DGLUCY: variants seen among roughly 807,000 people sequenced by gnomAD.
The protein encoded by DGLUCY is D-glutamate cyclase.
Under a neutral mutation model 58.5 loss-of-function variants are expected in DGLUCY, and 58 were observed. That is an observed-to-expected ratio of 0.99 (90% CI 0.80 to 1.23). The LOEUF (loss-of-function observed/expected upper bound fraction) is 1.23, where lower values mean the gene tolerates loss of function less well. Ranked by LOEUF, DGLUCY falls within the 50% of genes most tolerant of loss-of-function variation. The pLI, the probability that DGLUCY is intolerant of heterozygous loss-of-function variation, is 0.00. For synonymous variants in DGLUCY, 325 were observed against 314.1 expected, an observed-to-expected ratio of 1.03 and a Z score of -0.37; for missense variants, 779 against 784.7, an observed-to-expected ratio of 0.99 and a Z score of 0.09.
chr14:91,074,093 C>CAAA (rs1183223393), intron 1 of DGLUCY, among the ~76,000 whole-genome samples: 3 of 99,738 alleles, frequency 3.0e-5, no homozygotes, highest in East Asian at 2.7e-4. Context: ...TCATCTCTAC[C>CAAA]AAAAAAAAAA....
chr14:91,178,900 A>G lies in DGLUCY; in HGVS notation c.731-2286A>G, dbSNP rs138860907. Among the ~76,000 whole-genome samples the G allele has an allele frequency of 4.8e-3, 738 of 152,190 alleles. 4 individuals are homozygous for G. The highest frequency in any genetic ancestry group is 0.016 in the African/African-American group (653 of 41,536). ...ACAAAAATTAGCCAGGCGTGATGGC[A>G]CACACCTATAATCCCAGCTACTTGG... On this transcript the variant is annotated intron_variant, in intron 7 of 13. Transcript: ENST00000256324.
At chr14:91,119,215 C>T (rs2045197107) in intron 1 of DGLUCY, among the ~76,000 whole-genome samples, 1 of 151,986 alleles carries the variant, frequency 6.6e-6, no homozygotes, top group Non-Finnish European at 1.5e-5. Context: ...CATCTTGTTG[C>T]TCCCTTTTCT....
At chr14:91,132,669 G>A (rs934353520) in intron 1 of DGLUCY, among the ~76,000 whole-genome samples, 1 of 151,498 alleles carries the variant, frequency 6.6e-6, no homozygotes, top group Admixed American at 6.6e-5. Flanking sequence ...GTAGAAATGG[G>A]GTTTTGCCAT....
chr14:91,169,096 A>T (rs1338157782), intron 4 of DGLUCY, among the ~76,000 whole-genome samples: 2 of 152,070 alleles, frequency 1.3e-5, no homozygotes, highest in Admixed American at 6.6e-5. Flanking sequence ...CAAAAAAAAA[A>T]TAAATAAATA....
At chr14:91,187,370 T>C (rs377440428) in intron 8 of DGLUCY, among the ~76,000 whole-genome samples, 1 of 152,210 alleles carries the variant, frequency 6.6e-6, no homozygotes. Context: ...TTCAGTCCAC[T>C]GCTGATTTCA....
intron 1 of DGLUCY, among the ~76,000 whole-genome samples, chr14:91,115,642 T>C (rs1439710649): frequency 2.0e-5 from 3 of 152,144 alleles, no homozygotes; most frequent in Middle Eastern, 3.2e-3. Context: ...CAGGCTGAGC[T>C]CAAGCCATCC....
chr14:91,079,480 A>G (rs1404545609), intron 1 of DGLUCY, among the ~76,000 whole-genome samples: 1 of 151,850 alleles, frequency 6.6e-6, no homozygotes, highest in Admixed American at 6.6e-5. Flanking sequence ...CAGCCTCCCA[A>G]GTAGCTGGGA....
intron 13 of DGLUCY, 117 bp downstream of exon 13, chr14:91,215,673 G>A: frequency 6.3e-7 from 1 of 1,589,514 alleles, no homozygotes; most frequent in East Asian, 2.3e-5. Flanking sequence ...TCAAAAGCCA[G>A]AGGCAGAGCC....
At chr14:91,140,217 T>A (rs2046579747) in intron 1 of DGLUCY, among the ~76,000 whole-genome samples, 1 of 152,114 alleles carries the variant, frequency 6.6e-6, no homozygotes, top group African/African-American at 2.4e-5. Context: ...TCCTCCTTCT[T>A]CTCCTTCTTC....
At chr14:91,060,451 G>A in exon 1 of DGLUCY, 1 of 1,436,144 alleles carries the variant, frequency 7.0e-7, no homozygotes, top group Non-Finnish European at 9.2e-7. Flanking sequence ...CTTTTTTTCC[G>A]ATCCCGCGGG....
chr14:91,198,355 T>C (rs63505360), intron 10 of DGLUCY, among the ~76,000 whole-genome samples: 40 of 133,922 alleles, frequency 3.0e-4, no homozygotes, highest in African/African-American at 6.3e-4. Context: ...TTTTTTTTTT[T>C]CCCCCTTGAG....
chr14:91,064,735 A>C (rs1043941357), intron 1 of DGLUCY, among the ~76,000 whole-genome samples: 2 of 152,158 alleles, frequency 1.3e-5, no homozygotes, highest in Non-Finnish European at 2.9e-5. Context: ...TATTTCCAGA[A>C]GAAGGGAATG....
At chr14:91,080,436 T>A (rs1595617851) in intron 1 of DGLUCY, among the ~76,000 whole-genome samples, 1 of 152,194 alleles carries the variant, frequency 6.6e-6, no homozygotes, top group African/African-American at 2.4e-5. Context: ...AATGGCACGA[T>A]CTCAGCTCAC....
In DGLUCY at chr14:91,160,419, A is replaced by T. The variant is rs1308014286; in HGVS notation, c.103+22A>T. On this transcript the variant is annotated intron_variant, in intron 3 of 13. Coordinates refer to ENST00000256324, the MANE Select transcript of DGLUCY (RefSeq NM_001102368.3). Reference sequence around the variant, plus strand: ...GGAGGTAAGTGGTGCCAGATAGTTAAAAAAAAAAAAAAAAAAAAAAAAGAA... The same window carrying T: ...GGAGGTAAGTGGTGCCAGATAGTTATAAAAAAAAAAAAAAAAAAAAAAGAA... 38 of 23,312 alleles carry T rather than the reference A, an allele frequency of 1.6e-3. 1 individual carries two copies. Among genetic ancestry groups the T allele is most frequent in the African/African-American group, 4.9e-3 (23 of 4,676 alleles). The allele number at this position is 23,312 out of a possible 1,614,324, so 1.4% of individuals were successfully genotyped here.
Position 91,170,292 on chromosome 14 carries a change from G to C in DGLUCY, c.456+91G>C, listed in dbSNP as rs185637134. ...CCTGGGGTGGGGAGAACATGGGCACGGGAGGTGGAAAACCTAAGCTCCAGC... is the reference window on the plus strand; with the variant it reads ...CCTGGGGTGGGGAGAACATGGGCACCGGAGGTGGAAAACCTAAGCTCCAGC... On this transcript the variant is annotated intron_variant, in intron 5 of 13. Coordinates refer to ENST00000256324, the MANE Select transcript of DGLUCY (RefSeq NM_001102368.3). The C allele has an allele frequency of 8.1e-3, 11,205 of 1,383,474 alleles. 58 individuals are homozygous for C. The highest frequency in any genetic ancestry group is 9.4e-3 in the Non-Finnish European group (9,648 of 1,026,264). 85.7% of individuals were successfully genotyped at this position (1,383,474 alleles called of 1,614,324 possible). A position where few individuals can be genotyped will look rare whatever the true frequency, so the allele number is the denominator to read the frequency against.
At chr14:91,062,241 G>T (rs989642922) in intron 1 of DGLUCY, among the ~76,000 whole-genome samples, 8 of 151,718 alleles carry the variant, frequency 5.3e-5, no homozygotes, top group African/African-American at 1.9e-4. Flanking sequence ...AATTATTTTT[G>T]AATCACTTAA....
At chr14:91,132,815 C>A (rs1023526768) in intron 1 of DGLUCY, among the ~76,000 whole-genome samples, 3 of 152,020 alleles carry the variant, frequency 2.0e-5, no homozygotes, top group African/African-American at 7.2e-5. Flanking sequence ...ACTCCTCAGT[C>A]ATCCCTCCCT....
At chr14:91,137,411 G>A (rs1341223734) in intron 1 of DGLUCY, among the ~76,000 whole-genome samples, 1 of 151,578 alleles carries the variant, frequency 6.6e-6, no homozygotes, top group South Asian at 2.1e-4. Context: ...TTTTGAGACG[G>A]AGTCTTTCTC....
chr14:91,061,241 C>A (rs1321443390), intron 1 of DGLUCY, among the ~76,000 whole-genome samples: 2 of 152,166 alleles, frequency 1.3e-5, no homozygotes, highest in African/African-American at 4.8e-5. Flanking sequence ...CTCTAGTGAA[C>A]CCTAAACAAG....
Sources: gnomAD v4.1 joint callset for allele counts (sites outside exome capture counted in the v4.1 genomes callset) on GRCh38, gnomAD v4.1.1 for gene constraint, MANE v1.5 for transcripts, NCBI Gene and HGNC (gene_info 2026-07-23, HGNC 2026-07-21) for gene names.